The following AHCTF1 variants were observed in gnomAD, a reference collection of about 807,000 sequenced individuals.
AHCTF1 encodes the protein AT-hook containing transcription factor 1, also known as protein ELYS.
Under a neutral mutation model 248.4 loss-of-function variants are expected in AHCTF1, and 24 were observed. The ratio of observed to expected loss-of-function variants is 0.10; its 90% confidence interval spans 0.07 to 0.14. The LOEUF (loss-of-function observed/expected upper bound fraction) is 0.14. AHCTF1 is among the 10% of genes least tolerant of loss of function. The pLI is 1.00. For synonymous variants in AHCTF1, 786 were observed against 929.8 expected, an observed-to-expected ratio of 0.85 and a Z score of 2.81; for missense variants, 2,206 against 2,636.2, an observed-to-expected ratio of 0.84 and a Z score of 3.57.
At chr1:246,905,497 CA>C in intron 6 of AHCTF1, 43 bp downstream of exon 6, 2 of 1,529,176 alleles carry the variant, frequency 1.3e-6, no homozygotes, top group Non-Finnish European at 1.8e-6. Flanking sequence ...ACTCTGTCTC[CA>C]AAAAAACAAA....
chr1:246,921,049 G>C (rs1013891701), intron 1 of AHCTF1, among the ~76,000 whole-genome samples: 2 of 151,060 alleles, frequency 1.3e-5, no homozygotes, highest in Non-Finnish European at 3.0e-5. Context: ...CCAAGACCAC[G>C]GCATTGCACT....
chr1:246,844,422 T>C (rs1184787270), intron 33 of AHCTF1, among the ~76,000 whole-genome samples: 1 of 152,196 alleles, frequency 6.6e-6, no homozygotes, highest in African/African-American at 2.4e-5. Flanking sequence ...AAAGTTCATC[T>C]CCACAAAAGG....
At chr1:246,891,692 A>AT in intron 15 of AHCTF1, 87 bp downstream of exon 15, 1 of 1,424,750 alleles carries the variant, frequency 7.0e-7, no homozygotes, top group Middle Eastern at 2.5e-4. Context: ...ATAATGATCC[A>AT]TCTAAGACAT....
intron 29 of AHCTF1, among the ~76,000 whole-genome samples, chr1:246,858,495 TAG>T (rs1558219343): frequency 1.3e-5 from 2 of 152,310 alleles, no homozygotes; most frequent in South Asian, 2.1e-4. Context: ...AGCTTCACTA[TAG>T]AGTTTGTGTT....
At chr1:246,911,950 T>C (rs1246593524) in intron 4 of AHCTF1, among the ~76,000 whole-genome samples, 1 of 152,030 alleles carries the variant, frequency 6.6e-6, no homozygotes, top group Non-Finnish European at 1.5e-5. Flanking sequence ...TTTGTTTTCT[T>C]TGAGATGGAT....
intron 14 of AHCTF1, among the ~76,000 whole-genome samples, chr1:246,892,801 A>T (rs568702972): frequency 8.2e-5 from 9 of 109,390 alleles, no homozygotes; most frequent in Admixed American, 2.8e-4. Context: ...CCAGCTAATT[A>T]AAAAAAAGAT....
intron 29 of AHCTF1, among the ~76,000 whole-genome samples, chr1:246,858,419 A>G (rs1331743488): frequency 6.6e-6 from 1 of 152,236 alleles, no homozygotes; most frequent in Admixed American, 6.5e-5. Context: ...CTGAAGCCTA[A>G]GGTTATACTG....
Position 246,876,965 on chromosome 1 carries a change from C to T in AHCTF1, c.2922G>A (p.Leu974=), listed in dbSNP as rs766243370. The T allele has an allele frequency of 2.5e-6, 4 of 1,611,942 alleles. No individual in the cohort carries two copies. The highest frequency in any genetic ancestry group is 1.7e-6 in the Non-Finnish European group (2 of 1,179,830). Residue 974 remains leucine (L), a synonymous_variant, in exon 23 of 36, where the codon CTG becomes CTA. Transcript: ENST00000648844. ...YVPALKLNQT[L]KINVMNDRDP... The stretch of plus-strand genomic sequence containing the variant: ...TTAATCGTACCATAACATTAATCTT[C>T]AGAGTTTGGTTCAGCTTCAAGGCAG...
At chr1:246,846,687 GAAAA>G (rs1010741292) in intron 33 of AHCTF1, among the ~76,000 whole-genome samples, 1 of 143,938 alleles carries the variant, frequency 6.9e-6, no homozygotes, top group East Asian at 2.0e-4. Flanking sequence ...ATGCCAATAT[GAAAA>G]AAAAAGAAAT....
intron 21 of AHCTF1, among the ~76,000 whole-genome samples, chr1:246,884,248 C>T (rs1190463385): frequency 6.6e-6 from 1 of 152,156 alleles, no homozygotes; most frequent in South Asian, 2.1e-4. Context: ...AACATTTTTG[C>T]TAAGCCAGAT....
rs1195482036 is a variant in AHCTF1 at position 246,842,781 on chromosome 1, G to A, written c.6526-5C>T. The A allele has an allele frequency of 1.2e-6, 2 of 1,610,628 alleles. No homozygotes were observed. The highest frequency in any genetic ancestry group is 1.7e-5 in the Admixed American group (1 of 59,846). ...TACTGATTGTGCATCATCTTTCTAT[G>A]GGTTAAACATTTTAAAAGGTTAAGT... On this transcript the variant is annotated splice_polypyrimidine_tract_variant and splice_region_variant and intron_variant, in intron 34 of 35. Transcript: ENST00000648844.
At chr1:246,894,541 C>CA (rs1476745821) in intron 14 of AHCTF1, 118 bp downstream of exon 14, 3 of 856,596 alleles carry the variant, frequency 3.5e-6, no homozygotes, top group South Asian at 1.9e-5. Flanking sequence ...GACTCAGTCT[C>CA]AAAAAAAGAA....
chr1:246,891,640 C>CA (rs1385595184), intron 15 of AHCTF1, 139 bp downstream of exon 15: 2 of 873,110 alleles, frequency 2.3e-6, no homozygotes, highest in Non-Finnish European at 3.3e-6. Flanking sequence ...AACAAAGAAA[C>CA]AAACAAAAAC....
intron 21 of AHCTF1, 25 bp from the exon 22 acceptor site, chr1:246,877,327 T>A: frequency 6.5e-7 from 1 of 1,534,038 alleles, no homozygotes; most frequent in South Asian, 1.3e-5. Flanking sequence ...TATCAAAGTT[T>A]AGTTTTAGAA....
chr1:246,859,590 G>A (rs1391279448), intron 29 of AHCTF1, among the ~76,000 whole-genome samples: 1 of 151,980 alleles, frequency 6.6e-6, no homozygotes, highest in Non-Finnish European at 1.5e-5. Context: ...TTCTTTTTGA[G>A]ACAGGGTCTC....
intron 4 of AHCTF1, among the ~76,000 whole-genome samples, chr1:246,908,712 C>T (rs1665569923): frequency 1.4e-5 from 2 of 147,228 alleles, no homozygotes; most frequent in Admixed American, 6.8e-5. Flanking sequence ...ACGGTGAAAC[C>T]CAGTCTCTAC....
intron 26 of AHCTF1, chr1:246,864,352 T>C (rs1661799267): frequency 2.5e-6 from 1 of 397,654 alleles, no homozygotes; most frequent in East Asian, 4.3e-5. Context: ...GTTTGCGTCG[T>C]CCTCCTTCCC....
At chr1:246,877,365 A>C in intron 21 of AHCTF1, 63 bp from the exon 22 acceptor site, 1 of 1,457,460 alleles carries the variant, frequency 6.9e-7, no homozygotes, top group Non-Finnish European at 9.2e-7. Context: ...CAAAACAAGA[A>C]ATCTACATGT....
chr1:246,845,849 G>A (rs953145044), intron 33 of AHCTF1, among the ~76,000 whole-genome samples: 3 of 152,046 alleles, frequency 2.0e-5, no homozygotes, highest in Non-Finnish European at 4.4e-5. Flanking sequence ...GATTTCTAAG[G>A]TATAAATGTG....
Sources: allele counts gnomAD v4.1 joint callset (sites outside exome capture counted in the v4.1 genomes callset), GRCh38; gene constraint gnomAD v4.1.1; transcripts MANE v1.5; gene names NCBI Gene and HGNC (gene_info 2026-07-23, HGNC 2026-07-21).